CDKL2: variants seen among roughly 807,000 people sequenced by gnomAD.
CDKL2 encodes the protein cyclin-dependent kinase-like 2.
In CDKL2, 64 loss-of-function variants were observed where a neutral mutation model predicts 63.9. That is an observed-to-expected ratio of 1.00 (90% confidence interval 0.82 to 1.23). CDKL2 has a LOEUF of 1.23. CDKL2 is among the 50% of genes most tolerant of loss of function. CDKL2 has a pLI of 0.00. For missense variants in CDKL2, 656 were observed against 668.0 expected, an observed-to-expected ratio of 0.98 and a Z score of 0.20; for synonymous variants, 211 against 229.2, an observed-to-expected ratio of 0.92 and a Z score of 0.72.
intron 5 of CDKL2, 32 bp downstream of exon 5, chr4:75,605,490 C>T: frequency 1.5e-6 from 2 of 1,319,128 alleles, no homozygotes; most frequent in Non-Finnish European, 2.2e-6. Context: ...AGAAAAATCT[C>T]TAAAATTTAA....
chr4:75,619,442 C>G (rs1730063512), intron 2 of CDKL2, among the ~76,000 whole-genome samples: 2 of 151,904 alleles, frequency 1.3e-5, no homozygotes, highest in Admixed American at 1.3e-4. Flanking sequence ...AGCACACAGG[C>G]CAGAGATGGT....
chr4:75,624,007 G>A (rs949398000), intron 2 of CDKL2, among the ~76,000 whole-genome samples: 4 of 151,004 alleles, frequency 2.6e-5, no homozygotes, highest in African/African-American at 7.3e-5. Flanking sequence ...GGTGGCGGGC[G>A]CCTATAGTAC....
intron 5 of CDKL2, 43 bp downstream of exon 5, chr4:75,605,479 C>A: frequency 8.6e-7 from 1 of 1,162,670 alleles, no homozygotes; most frequent in Non-Finnish European, 1.3e-6. Flanking sequence ...AACAAATATG[C>A]AGAAAAATCT....
chr4:75,592,312 G>A, intron 10 of CDKL2, 43 bp from the exon 11 acceptor site: 1 of 1,471,304 alleles, frequency 6.8e-7, no homozygotes, highest in African/African-American at 1.4e-5. Flanking sequence ...TTAGTTTCAA[G>A]GTTAGCTAGG....
At chr4:75,620,185 C>A (rs1468592145) in intron 2 of CDKL2, among the ~76,000 whole-genome samples, 1 of 151,954 alleles carries the variant, frequency 6.6e-6, no homozygotes, top group South Asian at 2.1e-4. Context: ...CAGAGCAAGA[C>A]CCTGTCTAAA....
intron 3 of CDKL2, among the ~76,000 whole-genome samples, chr4:75,613,392 G>T (rs1729790079): frequency 6.6e-6 from 1 of 152,034 alleles, no homozygotes. Context: ...TATGTAAAAT[G>T]ATTTTTTCTT....
chr4:75,591,472 C>G (rs1265887741), intron 12 of CDKL2, among the ~76,000 whole-genome samples: 1 of 152,052 alleles, frequency 6.6e-6, no homozygotes, highest in African/African-American at 2.4e-5. Context: ...TGGTGCATGC[C>G]TGTAATCTCA....
At chr4:75,586,611 A>T (rs1728493910) in intron 12 of CDKL2, among the ~76,000 whole-genome samples, 1 of 152,146 alleles carries the variant, frequency 6.6e-6, no homozygotes, top group Non-Finnish European at 1.5e-5. Context: ...AGGAAGTTAG[A>T]TATATACAAA....
chr4:75,628,820 A>G (rs1730551370), intron 1 of CDKL2, among the ~76,000 whole-genome samples: 2 of 152,164 alleles, frequency 1.3e-5, no homozygotes, highest in Non-Finnish European at 2.9e-5. Flanking sequence ...TCCACACTTG[A>G]CATATAATAG....
chr4:75,619,809 G>A (rs911451502), intron 2 of CDKL2, among the ~76,000 whole-genome samples: 13 of 152,192 alleles, frequency 8.5e-5, no homozygotes, highest in Admixed American at 6.5e-5. Flanking sequence ...TACTGGCACA[G>A]TGCCCATGAA....
At chr4:75,608,871 G>A (rs1242754959) in intron 3 of CDKL2, among the ~76,000 whole-genome samples, 5 of 152,036 alleles carry the variant, frequency 3.3e-5, no homozygotes, top group Admixed American at 3.3e-4. Flanking sequence ...GCACGCGCTT[G>A]TAATCCCAGC....
chr4:75,599,223 C>T (rs1467315671), intron 7 of CDKL2, among the ~76,000 whole-genome samples: 2 of 152,132 alleles, frequency 1.3e-5, no homozygotes, highest in African/African-American at 2.4e-5. Context: ...GGAAGAAAGA[C>T]TCAATGATAT....
intron 1 of CDKL2, among the ~76,000 whole-genome samples, chr4:75,626,482 C>T (rs908896843): frequency 8.5e-5 from 13 of 152,140 alleles, no homozygotes; most frequent in East Asian, 3.9e-4. Context: ...CTGGCTAACA[C>T]GGTGAAACCC....
intron 3 of CDKL2, among the ~76,000 whole-genome samples, chr4:75,609,630 T>G (rs1578340686): frequency 1.4e-5 from 2 of 147,660 alleles, no homozygotes; most frequent in Admixed American, 1.4e-4. Context: ...AAATATTATA[T>G]AGATATATAT....
At chr4:75,618,100 CAA>C (rs1297914975) in intron 2 of CDKL2, among the ~76,000 whole-genome samples, 6 of 73,850 alleles carry the variant, frequency 8.1e-5, no homozygotes, top group South Asian at 5.0e-4. Flanking sequence ...GACTCTGTCT[CAA>C]AAAAAAAAAA....
At position 75,587,211 on chromosome 4, in the gene CDKL2, C is replaced by T. The variant is rs7693963; in HGVS notation, c.1647+4608G>A. Among the ~76,000 whole-genome samples the T allele has an allele frequency of 5.0e-3, 761 of 151,580 alleles. 8 individuals are homozygous for T. The highest frequency in any genetic ancestry group is 0.018 in the African/African-American group (725 of 41,316). On this transcript the variant is annotated intron_variant, in intron 12 of 13. Coordinates refer to ENST00000307465, the MANE Select transcript of CDKL2 (RefSeq NM_001330724.2). ...GCTCACGCCTGTAATCCCAGCACTT[C>T]GGGAGGCTGAGGTGGGTGTATCACT...
intron 3 of CDKL2, among the ~76,000 whole-genome samples, chr4:75,613,584 A>T (rs1729796514): frequency 6.6e-6 from 1 of 152,220 alleles, no homozygotes; most frequent in Non-Finnish European, 1.5e-5. Flanking sequence ...TACTCAAAGT[A>T]TATAAAATTA....
chr4:75,578,051 T>C lies in CDKL2; in HGVS notation c.*1151A>G, dbSNP rs1241733292. ...TTCCCTAAACAACCATTCTCTAAAATGATAAATGCAGAGCATGTGTAGAAA... is the reference window on the plus strand; with the variant it reads ...TTCCCTAAACAACCATTCTCTAAAACGATAAATGCAGAGCATGTGTAGAAA... On this transcript the variant is annotated 3_prime_UTR_variant, in exon 14 of 14. Transcript: ENST00000307465. The C allele has an allele frequency of 1.4e-5, 2 of 143,098 alleles. No homozygotes were observed. Among genetic ancestry groups the C allele is most frequent in the African/African-American group, 2.6e-5 (1 of 39,166 alleles). The allele number at this position is 143,098 out of a possible 1,614,324, so 8.9% of individuals were successfully genotyped here. A position where few individuals can be genotyped will look rare whatever the true frequency, so the allele number is the denominator to read the frequency against.
rs186804789 is a variant in CDKL2 at position 75,576,589 on chromosome 4, T to A, written c.*2613A>T. Among the ~76,000 whole-genome samples the A allele has an allele frequency of 6.0e-4, 91 of 152,184 alleles. No individual in the cohort carries two copies. Among genetic ancestry groups the A allele is most frequent in the African/African-American group, 2.1e-3 (86 of 41,534 alleles). ...TAATGCAAAAAACAACAGAGAAAAA[T>A]CCATTCAGTCCAATTCACTAAGACT... On this transcript the variant is annotated 3_prime_UTR_variant, in exon 14 of 14. Transcript: ENST00000307465.
Sources: allele counts gnomAD v4.1 joint callset (sites outside exome capture counted in the v4.1 genomes callset), GRCh38; gene constraint gnomAD v4.1.1; transcripts MANE v1.5; gene names NCBI Gene and HGNC (gene_info 2026-07-23, HGNC 2026-07-21).